The following HSPB9 variants were observed in gnomAD, a reference collection of about 807,000 sequenced individuals.
HSPB9 encodes heat shock protein family B (small) member 9, also known as heat shock protein beta-9.
For missense variants in HSPB9, 203 were observed against 213.4 expected (o/e 0.95, Z 0.30); for synonymous variants, 98 against 92.7 (o/e 1.06, Z -0.33).
rs781878470 is a variant in HSPB9 at position 42,123,138 on chromosome 17, C to T, written c.288C>T (p.Arg96=). Residue 96 remains arginine, a synonymous_variant, in exon 1 of 1, where the codon CGC becomes CGT. Transcript: ENST00000565659. ...DVRDPERVSY[R]MSQKVHRKML... ...GGGACCCGGAAAGGGTCAGTTACCG[C>T]ATGTCACAGAAGGTGCACCGGAAAA... 8 of 1,614,080 alleles carry T rather than the reference C, an allele frequency of 5.0e-6. No homozygotes were observed. The highest frequency in any genetic ancestry group is 5.9e-6 in the Non-Finnish European group (7 of 1,180,024).
chr17:42,123,060 G>A lies in HSPB9; in HGVS notation c.210G>A (p.Val70=). 1 of 1,614,246 alleles carries A rather than the reference G, an allele frequency of 6.2e-7. No individual in the cohort carries two copies. The highest frequency in any genetic ancestry group is 8.5e-7 in the Non-Finnish European group (1 of 1,180,032). Residue 70 remains valine (V), a synonymous_variant, in exon 1 of 1, where the codon GTG becomes GTA. Coordinates refer to ENST00000565659, the MANE Select transcript of HSPB9 (RefSeq NM_033194.3). ...AHGFAPEELV[V]QVDGQWLMVT... ...GCTTCGCCCCGGAGGAACTGGTGGT[G>A]CAGGTGGATGGCCAATGGCTGATGG... is the stretch of plus-strand genomic sequence containing the variant.
Position 42,123,240 on chromosome 17 carries a change from G to C in HSPB9, c.390G>C (p.Gln130His). The C allele has an allele frequency of 5.6e-6, 9 of 1,613,446 alleles. No homozygotes were observed. The highest frequency in any genetic ancestry group is 6.8e-6 in the Non-Finnish European group (8 of 1,180,030). ...CCGGGCAGCTGTGGGTCAGAGGCCAGTGTGTGGCGCTGGCCCTCCCTGAAG... is the reference window on the plus strand; with the variant it reads ...CCGGGCAGCTGTGGGTCAGAGGCCACTGTGTGGCGCTGGCCCTCCCTGAAG... Reference protein sequence around the residue: ...TPSGQLWVRGQCVALALPEAQ... With the variant: ...TPSGQLWVRGHCVALALPEAQ... The change falls in exon 1 of 1, where the codon CAG (glutamine) becomes CAC (histidine). Residue 130 changes from glutamine (Q) to histidine (H), a missense_variant. By Grantham distance (24) the Gln-to-His change is conservative. Coordinates refer to ENST00000565659, the MANE Select transcript of HSPB9 (RefSeq NM_033194.3).
In HSPB9 at chr17:42,122,976, G is replaced by A. The variant is rs147187665; in HGVS notation, c.126G>A (p.Ala42=). 43 of 1,614,024 alleles carry A rather than the reference G, an allele frequency of 2.7e-5. No homozygotes were observed. The African/African-American group carries it at 5.6e-4, about 21-fold the overall frequency. Residue 42 remains alanine (A), a synonymous_variant, in exon 1 of 1, where the codon GCG becomes GCA. Coordinates refer to ENST00000565659, the MANE Select transcript of HSPB9 (RefSeq NM_033194.3). The stretch of plus-strand genomic sequence containing the variant: ...TGCGGCTGCTCAGGGACAGTCCAGC[G>A]GCTCAGGAGGACAATGACCATGCCA... ...MPVRLLRDSP[A]AQEDNDHARD... is the part of the protein sequence containing the mutation.
chr17:42,122,900 G>A lies in HSPB9; in HGVS notation c.50G>A (p.Arg17Gln), dbSNP rs142589504. The A allele has an allele frequency of 8.1e-6, 13 of 1,613,466 alleles. No homozygotes were observed. In the African/African-American group the frequency reaches 1.5e-4, roughly 18 times the overall value. ...TFSNESRVAS[R>Q]CPSVGLAERN... ...TCCAACGAGAGCCGGGTGGCATCCC[G>A]GTGTCCCAGCGTGGGCCTTGCTGAA... The change falls in exon 1 of 1, where the codon CGG becomes CAG. Residue 17 changes from arginine to glutamine, a missense_variant. By Grantham distance (43) the Arg-to-Gln change is conservative (BLOSUM62 1). Transcript: ENST00000565659.
chr17:42,123,070 G>A lies in HSPB9; in HGVS notation c.220G>A (p.Gly74Ser), dbSNP rs1555667924. Residue 74 changes from glycine (G) to serine (S), a missense_variant, in exon 1 of 1, where the codon GGC becomes AGC. Transcript: ENST00000565659. ...GGAGGAACTGGTGGTGCAGGTGGAT[G>A]GCCAATGGCTGATGGTGACCGGACA... ...APEELVVQVD[G>S]QWLMVTGQQQ... is the part of the protein sequence containing the mutation. The A allele has an allele frequency of 6.2e-7, 1 of 1,614,242 alleles. No homozygotes were observed. The highest frequency in any genetic ancestry group is 8.5e-7 in the Non-Finnish European group (1 of 1,180,032).
chr17:42,123,317 A>G lies in HSPB9; in HGVS notation c.467A>G (p.Asn156Ser), dbSNP rs370137137. The G allele has an allele frequency of 1.3e-5, 21 of 1,604,276 alleles. No individual in the cohort carries two copies. Among genetic ancestry groups the G allele is most frequent in the Non-Finnish European group, 1.8e-5 (21 of 1,176,736 alleles). ...RLGSLGSKASNLTR is the reference protein window; with the variant it reads ...RLGSLGSKASSLTR ...GGGAGCCTCGGCTCTAAGGCTTCCAACCTGACCCGGTAAACAAACGACGCG... is the reference window on the plus strand; with the variant it reads ...GGGAGCCTCGGCTCTAAGGCTTCCAGCCTGACCCGGTAAACAAACGACGCG... The change falls in exon 1 of 1, where the codon AAC (asparagine) becomes AGC (serine). Residue 156 changes from asparagine (N) to serine (S), a missense_variant. Physicochemically the swap from Asn to Ser is conservative, Grantham distance 46. Coordinates refer to ENST00000565659, the MANE Select transcript of HSPB9 (RefSeq NM_033194.3).
chr17:42,123,189 C>T lies in HSPB9; in HGVS notation c.339C>T (p.Thr113=). 6.2e-7 allele frequency: 1 copy of T among 1,614,114 alleles called. No individual in the cohort carries two copies. Among genetic ancestry groups the T allele is most frequent in the Non-Finnish European group, 8.5e-7 (1 of 1,180,036 alleles). Residue 113 remains threonine, a synonymous_variant, in exon 1 of 1, where the codon ACC becomes ACT. Transcript: ENST00000565659. ...RKMLPSNLSP[T]AMTCCLTPSG... ...TGCTCCCGTCCAACCTGAGTCCTAC[C>T]GCCATGACCTGCTGCCTGACCCCCT... is the stretch of plus-strand genomic sequence containing the variant.
At position 42,123,117 on chromosome 17, in the gene HSPB9, CCCGGAAAGG is replaced by C; in HGVS notation, c.268_276del (p.Pro90_Arg92del). Reference sequence around the variant, plus strand: ...GACAGCAGCAACTGGACGTCAGGGACCCGGAAAGGGTCAGTTACCGCATGTCACAGAAGG... The same window carrying C: ...GACAGCAGCAACTGGACGTCAGGGACGTCAGTTACCGCATGTCACAGAAGG... On this transcript the variant is annotated inframe_deletion, in exon 1 of 1. Coordinates refer to ENST00000565659, the MANE Select transcript of HSPB9 (RefSeq NM_033194.3). 2 of 1,614,166 alleles carry C rather than the reference CCCGGAAAGG, an allele frequency of 1.2e-6. No individual in the cohort carries two copies. The highest frequency in any genetic ancestry group is 1.7e-6 in the Non-Finnish European group (2 of 1,180,032).
chr17:42,122,855 AGAGAGTCGGTAACACCTTCTCCAAC>A, the HSPB9 span: 4 of 1,605,064 alleles, frequency 2.5e-6, no homozygotes, highest in South Asian at 3.3e-5. Flanking sequence ...ACTCGGATGC[AGAGAGTCGGTAACACCTTCTCCAAC>A]GAGAGCCGGG....
Position 42,122,820 on chromosome 17 carries a change from G to A in HSPB9, c.-31G>A. 3 of 1,586,768 alleles carry A rather than the reference G, an allele frequency of 1.9e-6. No individual in the cohort carries two copies. The South Asian group carries it at 3.4e-5, about 18-fold the overall frequency. ...CCTAGCTCTGCGCTGGGAGCCTCGC[G>A]CCCTTTGACAGCAGTTAGTTGCTGA... On this transcript the variant is annotated 5_prime_UTR_variant, in exon 1 of 1. Transcript: ENST00000565659.
Position 42,123,283 on chromosome 17 carries a change from C to G in HSPB9, c.433C>G (p.Pro145Ala). 1 of 1,611,322 alleles carries G rather than the reference C, an allele frequency of 6.2e-7. No homozygotes were observed. The highest frequency in any genetic ancestry group is 8.5e-7 in the Non-Finnish European group (1 of 1,179,824). The change falls in exon 1 of 1, where the codon CCG becomes GCG. Residue 145 changes from proline to alanine, a missense_variant. Physicochemically the swap from Pro to Ala is conservative, Grantham distance 27. Transcript: ENST00000565659. ...ALPEAQTGPS[P>A]RLGSLGSKAS... The stretch of plus-strand genomic sequence containing the variant: ...CCCTGAAGCCCAAACAGGACCGTCC[C>G]CGAGACTCGGGAGCCTCGGCTCTAA...
At position 42,122,955 on chromosome 17, in the gene HSPB9, G is replaced by C. The variant is rs199545399; in HGVS notation, c.105G>C (p.Arg35=). 2.0e-5 allele frequency: 33 copies of C among 1,614,086 alleles called. No individual in the cohort carries two copies. The East Asian group carries it at 7.1e-4, about 35-fold the overall frequency. ...ACCGGGTGGCCACAATGCCGGTGCG[G>C]CTGCTCAGGGACAGTCCAGCGGCTC... is the stretch of plus-strand genomic sequence containing the variant. ...ERNRVATMPV[R]LLRDSPAAQE... The change falls in exon 1 of 1, where the codon CGG becomes CGC. Residue 35 remains arginine (R), a synonymous_variant. Coordinates refer to ENST00000565659, the MANE Select transcript of HSPB9 (RefSeq NM_033194.3).
In HSPB9 at chr17:42,123,048, G is replaced by A; in HGVS notation, c.198G>A (p.Glu66=). 1 of 1,614,254 alleles carries A rather than the reference G, an allele frequency of 6.2e-7. No individual in the cohort carries two copies. Among genetic ancestry groups the A allele is most frequent in the Non-Finnish European group, 8.5e-7 (1 of 1,180,036 alleles). ...MKLDAHGFAP[E]ELVVQVDGQW... is the part of the protein sequence containing the mutation. ...TGGATGCCCACGGCTTCGCCCCGGA[G>A]GAACTGGTGGTGCAGGTGGATGGCC... The change falls in exon 1 of 1, where the codon GAG becomes GAA. Residue 66 remains glutamate (E), a synonymous_variant. Coordinates refer to ENST00000565659, the MANE Select transcript of HSPB9 (RefSeq NM_033194.3).
In HSPB9 at chr17:42,122,895, A is replaced by G; in HGVS notation, c.45A>G (p.Ala15=). 1.2e-6 allele frequency: 2 copies of G among 1,613,382 alleles called. No homozygotes were observed. Among genetic ancestry groups the G allele is most frequent in the Non-Finnish European group, 8.5e-7 (1 of 1,179,548 alleles). The part of the protein sequence containing the change: ...GNTFSNESRV[A]SRCPSVGLAE... ...CCTTCTCCAACGAGAGCCGGGTGGC[A>G]TCCCGGTGTCCCAGCGTGGGCCTTG... Residue 15 remains alanine (A), a synonymous_variant, in exon 1 of 1, where the codon GCA becomes GCG. Transcript: ENST00000565659.
Sources: allele counts gnomAD v4.1 joint callset, GRCh38; gene constraint gnomAD v4.1.1; transcripts MANE v1.5; gene names NCBI Gene and HGNC (gene_info 2026-07-23, HGNC 2026-07-21).